Variants in CDIN1 observed in about 807,000 individuals in gnomAD.
The protein encoded by CDIN1 is CDAN1-interacting nuclease 1.
In CDIN1, 33 loss-of-function variants were observed where a neutral mutation model predicts 45.3. The observed-to-expected ratio is 0.73, with a 90% CI of 0.55 to 0.97. The LOEUF (loss-of-function observed/expected upper bound fraction) is 0.97, where lower values mean the gene tolerates loss of function less well. Ranked by LOEUF, CDIN1 falls within the 50% of genes least tolerant of loss-of-function variation. CDIN1 has a pLI of 0.00. For synonymous variants in CDIN1, 118 were observed against 124.4 expected, an observed-to-expected ratio of 0.95 and a Z score of 0.34; for missense variants, 303 against 339.4, an observed-to-expected ratio of 0.89 and a Z score of 0.84.
chr15:36,730,263 C>T (rs1258478618), intron 10 of CDIN1, among the ~76,000 whole-genome samples: 1 of 152,084 alleles, frequency 6.6e-6, no homozygotes, highest in Non-Finnish European at 1.5e-5. Context: ...TTACAGCTTT[C>T]ATATATTTGC....
At chr15:36,736,186 A>G (rs760086090) in intron 10 of CDIN1, among the ~76,000 whole-genome samples, 3 of 151,812 alleles carry the variant, frequency 2.0e-5, no homozygotes, top group Non-Finnish European at 4.4e-5. Context: ...GCTTTAAATC[A>G]CCCCCATTTC....
intron 1 of CDIN1, among the ~76,000 whole-genome samples, chr15:36,593,242 A>G (rs1188929488): frequency 1.3e-5 from 2 of 152,112 alleles, no homozygotes; most frequent in Non-Finnish European, 2.9e-5. Flanking sequence ...GCCTAAAACC[A>G]CCCCTTTCCA....
intron 5 of CDIN1, among the ~76,000 whole-genome samples, chr15:36,665,826 T>G (rs1313647684): frequency 6.6e-6 from 1 of 152,218 alleles, no homozygotes; most frequent in Non-Finnish European, 1.5e-5. Context: ...AAGAAAGTTA[T>G]TTTTAATATT....
rs542300295 is a variant in CDIN1, at chr15:36,621,728, C to A, written c.102-22550C>A. Among the ~76,000 whole-genome samples, 16 of 151,478 alleles carry A rather than the reference C, an allele frequency of 1.1e-4. No individual in the cohort carries two copies. In the East Asian group the frequency reaches 1.9e-3, roughly 18 times the overall value. On this transcript the variant is annotated intron_variant, in intron 1 of 10. Transcript: ENST00000566621. ...TCAGAGAATAAACATTCTGTAAAAA[C>A]AAAAAAAAATTTATTTTGTTGGCCT... is the stretch of plus-strand genomic sequence containing the variant.
chr15:36,718,041 G>A (rs112690557), intron 10 of CDIN1, among the ~76,000 whole-genome samples: 1,580 of 151,310 alleles, frequency 0.01, 26 homozygotes, highest in African/African-American at 0.037. Context: ...TTGAGTTTTG[G>A]TAGTGCATTT....
intron 1 of CDIN1, among the ~76,000 whole-genome samples, chr15:36,600,179 C>A (rs1175945098): frequency 6.6e-6 from 1 of 152,174 alleles, no homozygotes; most frequent in Non-Finnish European, 1.5e-5. Context: ...GAGGGTTACT[C>A]CTGCCTTAAA....
intron 1 of CDIN1, among the ~76,000 whole-genome samples, chr15:36,625,318 G>A (rs1213201655): frequency 6.6e-6 from 1 of 151,862 alleles, no homozygotes; most frequent in Non-Finnish European, 1.5e-5. Context: ...TTTTTACTCT[G>A]TGAAAAGGTT....
chr15:36,665,324 G>A (rs2041207183), intron 5 of CDIN1, among the ~76,000 whole-genome samples: 1 of 152,156 alleles, frequency 6.6e-6, no homozygotes, highest in African/African-American at 2.4e-5. Context: ...ACGCTTTATA[G>A]TGTAAAGTGT....
intron 10 of CDIN1, among the ~76,000 whole-genome samples, chr15:36,795,089 C>T (rs901856764): frequency 3.3e-5 from 5 of 152,084 alleles, no homozygotes; most frequent in African/African-American, 1.2e-4. Context: ...AAGTTGATCT[C>T]ATGGGGGTAA....
At chr15:36,643,003 G>A (rs749418234) in intron 1 of CDIN1, among the ~76,000 whole-genome samples, 6 of 152,016 alleles carry the variant, frequency 3.9e-5, no homozygotes, top group Admixed American at 6.5e-5. Flanking sequence ...TGTTAAGCTC[G>A]GTCAAGCCAG....
At chr15:36,765,182 A>G (rs151029329) in intron 10 of CDIN1, among the ~76,000 whole-genome samples, 2,443 of 147,970 alleles carry the variant, frequency 0.017, 23 homozygotes, top group Non-Finnish European at 0.022. Context: ...CAGCCTTCCT[A>G]TTAGCTGGGG....
intron 1 of CDIN1, among the ~76,000 whole-genome samples, chr15:36,628,251 T>C (rs1767713416): frequency 6.6e-6 from 1 of 152,186 alleles, no homozygotes; most frequent in Non-Finnish European, 1.5e-5. Flanking sequence ...GGATCACTTA[T>C]CTGCCTTCTG....
intron 5 of CDIN1, among the ~76,000 whole-genome samples, chr15:36,682,932 C>A (rs184071799): frequency 2.0e-5 from 3 of 152,072 alleles, no homozygotes; most frequent in Non-Finnish European, 1.5e-5. Flanking sequence ...GACACAATAA[C>A]ATGGGAGGCT....
intron 8 of CDIN1, among the ~76,000 whole-genome samples, chr15:36,697,757 G>A (rs1372396341): frequency 1.3e-5 from 2 of 152,036 alleles, no homozygotes; most frequent in Admixed American, 1.3e-4. Flanking sequence ...AATTCATGTT[G>A]GGTATATTTG....
chr15:36,733,752 G>C (rs1043752851), intron 10 of CDIN1, among the ~76,000 whole-genome samples: 2 of 152,080 alleles, frequency 1.3e-5, no homozygotes, highest in Non-Finnish European at 2.9e-5. Flanking sequence ...CTTAATTACA[G>C]AGCAAGAAAA....
chr15:36,666,402 T>C (rs2041250356), intron 5 of CDIN1, among the ~76,000 whole-genome samples: 1 of 152,216 alleles, frequency 6.6e-6, no homozygotes, highest in African/African-American at 2.4e-5. Flanking sequence ...TGTTCCCTTC[T>C]GCAGTCTACT....
At chr15:36,635,875 G>A (rs1200246286) in intron 1 of CDIN1, among the ~76,000 whole-genome samples, 1 of 152,106 alleles carries the variant, frequency 6.6e-6, no homozygotes, top group Admixed American at 6.6e-5. Flanking sequence ...GAGGATTAGT[G>A]CACTGGAAGG....
At position 36,645,386 on chromosome 15, in the gene CDIN1, A is replaced by G. The variant is rs531776629; in HGVS notation, c.212+99A>G. 14 of 1,053,486 alleles carry G rather than the reference A, an allele frequency of 1.3e-5. No individual in the cohort carries two copies. The East Asian group carries it at 2.7e-4, about 20-fold the overall frequency. 65.3% of individuals were successfully genotyped at this position (1,053,486 alleles called of 1,614,324 possible). A position where few individuals can be genotyped will look rare whatever the true frequency, so the allele number is the denominator to read the frequency against. ...TTATTAATTTTCTATGTCATATCCCAAGACATTGTGTTTTAAGTATTTTAT... is the reference window on the plus strand; with the variant it reads ...TTATTAATTTTCTATGTCATATCCCGAGACATTGTGTTTTAAGTATTTTAT... On this transcript the variant is annotated intron_variant, in intron 3 of 10. Transcript: ENST00000566621.
chr15:36,788,981 C>T (rs2054578100), intron 10 of CDIN1, among the ~76,000 whole-genome samples: 1 of 152,148 alleles, frequency 6.6e-6, no homozygotes, highest in South Asian at 2.1e-4. Flanking sequence ...CATAAAGTAC[C>T]ATACAAGCAT....
Sources: allele counts gnomAD v4.1 joint callset (sites outside exome capture counted in the v4.1 genomes callset), GRCh38; gene constraint gnomAD v4.1.1; transcripts MANE v1.5; gene names NCBI Gene and HGNC (gene_info 2026-07-23, HGNC 2026-07-21).